Variants in PPP2R2B observed in about 807,000 individuals in gnomAD.
PPP2R2B encodes protein phosphatase 2 regulatory subunit Bbeta.
Under a neutral mutation model 46.0 loss-of-function variants are expected in PPP2R2B, and 5 were observed. The observed-to-expected ratio is 0.11, with a 90% confidence interval of 0.06 to 0.23. The LOEUF is 0.23. PPP2R2B is among the 10% of genes least tolerant of loss of function. The pLI, the probability that PPP2R2B is intolerant of heterozygous loss-of-function variation, is 1.00. For synonymous variants in PPP2R2B, 215 were observed against 206.7 expected (o/e 1.04, Z -0.34); for missense variants, 367 against 575.0 (o/e 0.64, Z 3.70).
intron 5 of PPP2R2B, among the ~76,000 whole-genome samples, chr5:146,664,215 T>G (rs1776842322): frequency 6.6e-6 from 1 of 152,226 alleles, no homozygotes; most frequent in Non-Finnish European, 1.5e-5. Context: ...AAGATTTCTC[T>G]GTAGCATATT....
Position 146,589,578 on chromosome 5 carries a change from C to CTT in PPP2R2B, c.*367_*368dup. 1 of 168,936 alleles carries CTT rather than the reference C, an allele frequency of 5.9e-6. No individual in the cohort carries two copies. Among genetic ancestry groups the CTT allele is most frequent in the Non-Finnish European group, 1.3e-5 (1 of 79,178 alleles). 10.5% of individuals were successfully genotyped at this position (168,936 alleles called of 1,614,324 possible). A position where few individuals can be genotyped will look rare whatever the true frequency, so the allele number is the denominator to read the frequency against. On this transcript the variant is annotated 3_prime_UTR_variant, in exon 10 of 10. Coordinates refer to ENST00000394411, the MANE Select transcript of PPP2R2B (RefSeq NM_181675.4). ...AATGGAATTGCTTAATTAAAAAAAA[C>CTT]TTATCTCTTTTCTCCTTAAATACTA...
intron 1 of PPP2R2B, among the ~76,000 whole-genome samples, chr5:146,928,297 C>A (rs1763852617): frequency 6.6e-6 from 1 of 151,598 alleles, no homozygotes; most frequent in Non-Finnish European, 1.5e-5. Flanking sequence ...TAGATCAGAT[C>A]TCTCCCCCAA....
At chr5:146,954,487 G>A (rs764798150) in intron 1 of PPP2R2B, among the ~76,000 whole-genome samples, 5 of 152,120 alleles carry the variant, frequency 3.3e-5, no homozygotes, top group Admixed American at 6.6e-5. Flanking sequence ...AAGAATGACA[G>A]TGGACTTTGG....
At chr5:146,829,723 A>C (rs965517052) in intron 2 of PPP2R2B, among the ~76,000 whole-genome samples, 2 of 152,202 alleles carry the variant, frequency 1.3e-5, no homozygotes, top group African/African-American at 4.8e-5. Flanking sequence ...GGATGTCTCA[A>C]ACTATCCAAA....
intron 2 of PPP2R2B, among the ~76,000 whole-genome samples, chr5:146,786,862 T>C (rs2151289561): frequency 2.0e-5 from 3 of 152,356 alleles, no homozygotes; most frequent in Admixed American, 2.0e-4. Flanking sequence ...AAATTTTCTT[T>C]AATTCAATCA....
chr5:147,055,575 A>T, intron 1 of PPP2R2B: 3 of 1,147,000 alleles, frequency 2.6e-6, no homozygotes, highest in Non-Finnish European at 2.6e-6. Context: ...CCTAGTAGCT[A>T]CAGAAAGCAG....
At chr5:146,712,306 A>G (rs1277434083) in intron 2 of PPP2R2B, among the ~76,000 whole-genome samples, 2 of 152,138 alleles carry the variant, frequency 1.3e-5, no homozygotes, top group African/African-American at 4.8e-5. Flanking sequence ...GAATATTATA[A>G]AGTATGCTCT....
rs567406422 is a variant in PPP2R2B at position 146,758,516 on chromosome 5, A to C, written c.71-57374T>G. 2.0e-5 allele frequency among the ~76,000 whole-genome samples: 3 copies of C among 152,322 alleles called. No homozygotes were observed. The East Asian group carries it at 5.8e-4, about 29-fold the overall frequency. ...ACAGCAAATGTTTACATGACATTTA[A>C]AAATATTTAAATATTTTCACGAGCT... On this transcript the variant is annotated intron_variant, in intron 2 of 9. Transcript: ENST00000394411.
chr5:146,847,841 C>T (rs949228157), intron 2 of PPP2R2B, among the ~76,000 whole-genome samples: 4 of 152,120 alleles, frequency 2.6e-5, no homozygotes, highest in African/African-American at 4.8e-5. Context: ...GGAACTAAAG[C>T]CCAGATGGAT....
intron 5 of PPP2R2B, among the ~76,000 whole-genome samples, chr5:146,685,358 G>A (rs565500394): frequency 4.6e-5 from 7 of 152,344 alleles, no homozygotes; most frequent in African/African-American, 1.7e-4. Flanking sequence ...GTCACAGAAT[G>A]ATGATAAAGA....
chr5:146,970,167 T>G (rs1251991170), intron 1 of PPP2R2B, among the ~76,000 whole-genome samples: 1 of 152,166 alleles, frequency 6.6e-6, no homozygotes, highest in African/African-American at 2.4e-5. Context: ...ATGAGGAAAC[T>G]GAGGCATAGA....
At chr5:146,770,509 G>A (rs1052006613) in intron 2 of PPP2R2B, among the ~76,000 whole-genome samples, 1 of 151,944 alleles carries the variant, frequency 6.6e-6, no homozygotes, top group South Asian at 2.1e-4. Context: ...AAAAATAAAT[G>A]TATTGGGAAA....
At chr5:146,954,914 A>T (rs939835691) in intron 1 of PPP2R2B, among the ~76,000 whole-genome samples, 1 of 152,074 alleles carries the variant, frequency 6.6e-6, no homozygotes, top group African/African-American at 2.4e-5. Context: ...GGTATTTCCA[A>T]ACTTCACTGA....
intron 2 of PPP2R2B, among the ~76,000 whole-genome samples, chr5:146,762,760 A>G (rs1417415914): frequency 6.6e-6 from 1 of 152,202 alleles, no homozygotes; most frequent in Non-Finnish European, 1.5e-5. Flanking sequence ...ACAGGCACCT[A>G]GACAAGTAAT....
intron 2 of PPP2R2B, among the ~76,000 whole-genome samples, chr5:146,851,462 T>C (rs1760346964): frequency 6.6e-6 from 1 of 152,142 alleles, no homozygotes; most frequent in Non-Finnish European, 1.5e-5. Flanking sequence ...TCCTGTTCCA[T>C]GTGAGTGAGA....
intron 1 of PPP2R2B, among the ~76,000 whole-genome samples, chr5:147,010,660 C>G (rs1754679641): frequency 6.6e-6 from 1 of 152,124 alleles, no homozygotes; most frequent in Non-Finnish European, 1.5e-5. Context: ...ACTGTAAATA[C>G]AGATGAAGCT....
intron 1 of PPP2R2B, among the ~76,000 whole-genome samples, chr5:146,940,727 T>A (rs1235722994): frequency 2.0e-5 from 3 of 152,184 alleles, no homozygotes; most frequent in Non-Finnish European, 4.4e-5. Context: ...GGCCCCTTAG[T>A]TATCTTCCAA....
intron 7 of PPP2R2B, among the ~76,000 whole-genome samples, chr5:146,616,465 C>T (rs542109465): frequency 6.6e-6 from 1 of 152,190 alleles, no homozygotes; most frequent in African/African-American, 2.4e-5. Context: ...AAAATATTTG[C>T]AAACTACCCA....
chr5:146,836,318 T>G (rs1208007579), intron 2 of PPP2R2B, among the ~76,000 whole-genome samples: 1 of 152,158 alleles, frequency 6.6e-6, no homozygotes, highest in Non-Finnish European at 1.5e-5. Context: ...CCACTTACAA[T>G]GTACAGTTTG....
Sources: gnomAD v4.1 joint callset for allele counts (sites outside exome capture counted in the v4.1 genomes callset) on GRCh38, gnomAD v4.1.1 for gene constraint, MANE v1.5 for transcripts, NCBI Gene and HGNC (gene_info 2026-07-23, HGNC 2026-07-21) for gene names.